The following KLC2 variants were observed in gnomAD, a reference collection of about 807,000 sequenced individuals.
The protein encoded by KLC2 is KLC 2.
In KLC2, 35 loss-of-function variants were observed where a neutral mutation model predicts 75.1. That is an observed-to-expected ratio of 0.47 (90% CI 0.36 to 0.62). The LOEUF is 0.62. Among genes scored for constraint, KLC2 ranks in the 20% least tolerant of loss-of-function variants. The probability of loss-of-function intolerance (pLI) is 0.00; values close to 1 mark genes in which losing one functional copy is unlikely to be tolerated. For missense variants in KLC2, 611 were observed against 833.2 expected (o/e 0.73, Z 3.28); for synonymous variants, 314 against 336.7 (o/e 0.93, Z 0.74).
the KLC2 span, among the ~76,000 whole-genome samples, chr11:66,249,586 G>GCAGCC: frequency 6.6e-6 from 1 of 152,146 alleles, no homozygotes; most frequent in Non-Finnish European, 1.5e-5. Flanking sequence ...AGTCCTTAAA[G>GCAGCC]CAGCCCTCCC....
Position 66,264,161 on chromosome 11 carries a change from T to G in KLC2, c.1058T>G (p.Ile353Ser), listed in dbSNP as rs1565173583. Residue 353 changes from isoleucine to serine, a missense_variant, in exon 8 of 16, where the codon ATC becomes AGC. Transcript: ENST00000394067. Reference protein sequence around the residue: ...VEYYYRRALEIYATRLGPDDP... With the variant: ...VEYYYRRALESYATRLGPDDP... ...TATTACTATCGGCGGGCACTGGAGA[T>G]CTATGCTACACGCCTCGGGCCCGAT... The G allele has an allele frequency of 6.3e-7, 1 of 1,575,282 alleles. No homozygotes were observed. The highest frequency in any genetic ancestry group is 8.6e-7 in the Non-Finnish European group (1 of 1,159,538).
In KLC2 at chr11:66,267,156, A is replaced by G; in HGVS notation, c.*200A>G. The stretch of plus-strand genomic sequence containing the variant: ...CCTGCCCACTCCAGCTCCATCCCTT[A>G]TTTATTCCTTCCAGCAGGGCCCTCT... On this transcript the variant is annotated 3_prime_UTR_variant, in exon 16 of 16. Transcript: ENST00000394067. The G allele has an allele frequency of 6.5e-7, 1 of 1,543,714 alleles. No homozygotes were observed. Among genetic ancestry groups the G allele is most frequent in the East Asian group, 2.5e-5 (1 of 40,800 alleles).
chr11:66,257,438 T>A (rs754499372), upstream of KLC2: 1 of 152,330 alleles, frequency 6.6e-6, no homozygotes, highest in Non-Finnish European at 1.5e-5. Flanking sequence ...ACCTTCTCCC[T>A]GCGCCTCAGT....
chr11:66,252,441 T>G (rs185088676), upstream of KLC2, among the ~76,000 whole-genome samples: 117 of 151,000 alleles, frequency 7.7e-4, 8 homozygotes, highest in African/African-American at 2.7e-3. Context: ...TTTTTTGTAT[T>G]TTTAGTAGAG....
upstream of KLC2, among the ~76,000 whole-genome samples, chr11:66,253,005 C>CTTTTTT (rs34358719): frequency 8.1e-6 from 1 of 122,910 alleles, no homozygotes. Flanking sequence ...AATGTGCTGA[C>CTTTTTT]TTTTTTTTTT....
the KLC2 span, chr11:66,244,860 T>A: frequency 6.6e-6 from 1 of 152,144 alleles, no homozygotes; most frequent in Non-Finnish European, 1.5e-5. Flanking sequence ...AGAAGCGTAC[T>A]CCCATGTTCT....
At chr11:66,264,944 CCT>C (rs1281403803) in intron 9 of KLC2, 77 bp from the exon 10 acceptor site, 14 of 1,438,718 alleles carry the variant, frequency 9.7e-6, no homozygotes, top group Non-Finnish European at 1.3e-5. Context: ...TCTCCCCTCC[CCT>C]GACCCCAGTC....
At chr11:66,253,005 CTTT>C (rs34358719), upstream of KLC2, among the ~76,000 whole-genome samples, 5 of 122,902 alleles carry the variant, frequency 4.1e-5, no homozygotes, top group African/African-American at 9.1e-5. Flanking sequence ...AATGTGCTGA[CTTT>C]TTTTTTTTTT....
Position 66,267,729 on chromosome 11 carries a change from C to T in KLC2, c.*773C>T, listed in dbSNP as rs1010449486. Reference sequence around the variant, plus strand: ...CCGAGCCATCCTGCCTCGCCTCCCCCCACGCCTGCAGCTTCTCGCGAGGGG... The same window carrying T: ...CCGAGCCATCCTGCCTCGCCTCCCCTCACGCCTGCAGCTTCTCGCGAGGGG... On this transcript the variant is annotated 3_prime_UTR_variant, in exon 16 of 16. Coordinates refer to ENST00000394067, the MANE Select transcript of KLC2 (RefSeq NM_001318734.2). The T allele has an allele frequency of 4.1e-6, 2 of 489,666 alleles. No individual in the cohort carries two copies. The highest frequency in any genetic ancestry group is 7.2e-6 in the Non-Finnish European group (2 of 279,342). 30.3% of individuals were successfully genotyped at this position (489,666 alleles called of 1,614,324 possible).
At position 66,265,774 on chromosome 11, in the gene KLC2, A is replaced by G. The variant is rs376038657; in HGVS notation, c.1443+11A>G. 5.6e-6 allele frequency: 9 copies of G among 1,612,290 alleles called. No homozygotes were observed. Among genetic ancestry groups the G allele is most frequent in the South Asian group, 3.3e-5 (3 of 90,954 alleles). On this transcript the variant is annotated intron_variant, in intron 12 of 15. Coordinates refer to ENST00000394067, the MANE Select transcript of KLC2 (RefSeq NM_001318734.2). ...CGTAACCGCAAGCAGGTGGGGCTCC[A>G]TGCAGGAGGGGGTGGGCAGACACCT...
At position 66,258,798 on chromosome 11, in the gene KLC2, T is replaced by C; in HGVS notation, c.204T>C (p.Ile68=). 1 of 1,612,308 alleles carries C rather than the reference T, an allele frequency of 6.2e-7. No homozygotes were observed. The highest frequency in any genetic ancestry group is 2.2e-5 in the East Asian group (1 of 44,830). ...TCCTGCGTCGCTCCCTGGAAGCCAT[T>C]GAGCTTGGGCTGGGGGAGGCCCAGG... ...CILLRRSLEA[I]ELGLGEAQVI... The change falls in exon 2 of 16, where the codon ATT becomes ATC. Residue 68 remains isoleucine, a synonymous_variant. Coordinates refer to ENST00000394067, the MANE Select transcript of KLC2 (RefSeq NM_001318734.2).
chr11:66,265,265 A>C, intron 11 of KLC2, 30 bp downstream of exon 11: 1 of 1,562,974 alleles, frequency 6.4e-7, no homozygotes, highest in Non-Finnish European at 8.8e-7. Flanking sequence ...GCTGGGGAGC[A>C]GGGCACGGCA....
At chr11:66,259,802 G>A (rs1856260970) in intron 2 of KLC2, 1 of 152,228 alleles carries the variant, frequency 6.6e-6, no homozygotes. Context: ...GTGGAGAAAA[G>A]GGACCAGTTC....
chr11:66,252,951 G>A (rs547317159), upstream of KLC2, among the ~76,000 whole-genome samples: 65 of 151,558 alleles, frequency 4.3e-4, no homozygotes, highest in Admixed American at 1.1e-3. Flanking sequence ...AAGCTGGGGA[G>A]ACATGGTCTT....
chr11:66,253,048 G>A (rs1441225393), upstream of KLC2, among the ~76,000 whole-genome samples: 2 of 137,218 alleles, frequency 1.5e-5, no homozygotes, highest in African/African-American at 2.7e-5. Context: ...TCACTCTGTC[G>A]CCCAGGCCTC....
At chr11:66,244,741 C>T in the KLC2 span, 1 of 152,200 alleles carries the variant, frequency 6.6e-6, no homozygotes, top group Non-Finnish European at 1.5e-5. Flanking sequence ...GATTTCTTAC[C>T]GACTGCCTTG....
At chr11:66,260,574 T>C (rs1346078440) in intron 2 of KLC2, among the ~76,000 whole-genome samples, 1 of 151,712 alleles carries the variant, frequency 6.6e-6, no homozygotes, top group Non-Finnish European at 1.5e-5. Flanking sequence ...CCGGACTTCA[T>C]GAGACCCTGT....
rs780477331 is a variant in KLC2, at chr11:66,265,931, C to A, written c.1521C>A (p.Ser507Arg). The A allele has an allele frequency of 1.3e-5, 20 of 1,591,240 alleles. No individual in the cohort carries two copies. Among genetic ancestry groups the A allele is most frequent in the Non-Finnish European group, 1.7e-5 (20 of 1,166,058 alleles). ...DGSGRRGDRR[S>R]SRDMAGGAGP... ...GTGGCAGGCGGGGAGACCGCCGCAG[C>A]AGCCGAGACATGGCTGGGGGTGCCG... is the stretch of plus-strand genomic sequence containing the variant. The change falls in exon 13 of 16, where the codon AGC becomes AGA. Residue 507 changes from serine (S) to arginine (R), a missense_variant. Ser to Arg is a moderately radical substitution (Grantham distance 110). Transcript: ENST00000394067.
At chr11:66,244,839 C>T in the KLC2 span, 50 of 152,342 alleles carry the variant, frequency 3.3e-4, no homozygotes, top group African/African-American at 1.1e-3. Context: ...CCACCAGGAA[C>T]GTAGGTGGAA....
Sources: gnomAD v4.1 joint callset for allele counts (sites outside exome capture counted in the v4.1 genomes callset) on GRCh38, gnomAD v4.1.1 for gene constraint, MANE v1.5 for transcripts, NCBI Gene and HGNC (gene_info 2026-07-23, HGNC 2026-07-21) for gene names.